The following PRKAG2 variants were observed in gnomAD, a reference collection of about 807,000 sequenced individuals.
PRKAG2 encodes the protein 5'-AMP-activated protein kinase subunit gamma-2.
PRKAG2 carries 26 observed loss-of-function variants against 69.6 expected under a neutral mutation model. The observed-to-expected ratio is 0.37, with a 90% CI of 0.27 to 0.52. The LOEUF is 0.52. Ranked by LOEUF, PRKAG2 falls within the 20% of genes least tolerant of loss-of-function variation. PRKAG2 has a pLI of 0.90. For synonymous variants in PRKAG2, 293 were observed against 285.0 expected, an observed-to-expected ratio of 1.03 and a Z score of -0.28; for missense variants, 557 against 740.0, an observed-to-expected ratio of 0.75 and a Z score of 2.87.
At chr7:151,716,428 G>C (rs1359284128) in intron 3 of PRKAG2, among the ~76,000 whole-genome samples, 1 of 152,188 alleles carries the variant, frequency 6.6e-6, no homozygotes, top group Non-Finnish European at 1.5e-5. Flanking sequence ...GTCCGTATGT[G>C]GACTCCCAAC....
At chr7:151,613,654 C>T (rs1475477490) in intron 5 of PRKAG2, among the ~76,000 whole-genome samples, 3 of 151,678 alleles carry the variant, frequency 2.0e-5, no homozygotes, top group Non-Finnish European at 2.9e-5. Context: ...CCCACCACCA[C>T]GCCTGGCTAA....
At chr7:151,619,423 T>C (rs1218295958) in intron 5 of PRKAG2, among the ~76,000 whole-genome samples, 1 of 152,180 alleles carries the variant, frequency 6.6e-6, no homozygotes, top group African/African-American at 2.4e-5. Flanking sequence ...CACAATGCCA[T>C]AAGTTACCCT....
At chr7:151,824,295 CG>C (rs1196217301) in intron 1 of PRKAG2, among the ~76,000 whole-genome samples, 2 of 152,244 alleles carry the variant, frequency 1.3e-5, no homozygotes, top group Middle Eastern at 3.4e-3. Flanking sequence ...TTGCTCCCCT[CG>C]GCTTTTCCCC....
intron 1 of PRKAG2, among the ~76,000 whole-genome samples, chr7:151,823,675 CATCT>C (rs1399797841): frequency 6.6e-6 from 1 of 152,108 alleles, no homozygotes; most frequent in Non-Finnish European, 1.5e-5. Context: ...TGACACCCTC[CATCT>C]GTTTCTGGAA....
chr7:151,643,856 G>A (rs1827148787), intron 4 of PRKAG2, among the ~76,000 whole-genome samples: 2 of 152,198 alleles, frequency 1.3e-5, no homozygotes, highest in African/African-American at 2.4e-5. Context: ...TGATGAGCTA[G>A]GATGAAATCA....
intron 3 of PRKAG2, among the ~76,000 whole-genome samples, chr7:151,704,545 C>T (rs1168625340): frequency 2.6e-5 from 4 of 152,260 alleles, no homozygotes; most frequent in Non-Finnish European, 4.4e-5. Context: ...ATCTGGGCGG[C>T]GTCTACTCTG....
At chr7:151,770,182 C>A (rs761531332) in intron 3 of PRKAG2, among the ~76,000 whole-genome samples, 10 of 152,210 alleles carry the variant, frequency 6.6e-5, no homozygotes, top group South Asian at 2.1e-4. Context: ...AGGTTCGACA[C>A]AACCGACCAG....
intron 1 of PRKAG2, among the ~76,000 whole-genome samples, chr7:151,863,620 T>C (rs895155197): frequency 3.9e-5 from 6 of 152,082 alleles, no homozygotes; most frequent in Admixed American, 1.3e-4. Flanking sequence ...TAACAAGGAA[T>C]AGAACCAAAT....
chr7:151,784,193 G>A (rs138063241), intron 2 of PRKAG2, among the ~76,000 whole-genome samples: 2,035 of 152,280 alleles, frequency 0.013, 23 homozygotes, highest in Middle Eastern at 0.027. Flanking sequence ...TGAACCGGAA[G>A]AGGAGCCGAG....
chr7:151,801,428 G>C (rs1204508628), intron 1 of PRKAG2, among the ~76,000 whole-genome samples: 1 of 152,182 alleles, frequency 6.6e-6, no homozygotes, highest in Non-Finnish European at 1.5e-5. Context: ...CCCCAGGCTG[G>C]GGCAATGAGG....
chr7:151,742,510 G>A (rs2073964734), intron 3 of PRKAG2, among the ~76,000 whole-genome samples: 3 of 151,958 alleles, frequency 2.0e-5, no homozygotes, highest in African/African-American at 7.3e-5. Flanking sequence ...TGTAGTCCCC[G>A]CTACTCGAGA....
At chr7:151,688,759 A>G (rs898400513) in intron 3 of PRKAG2, among the ~76,000 whole-genome samples, 21 of 152,342 alleles carry the variant, frequency 1.4e-4, no homozygotes, top group Middle Eastern at 3.4e-3. Flanking sequence ...ATCTCAGGAC[A>G]CTTGGATCAT....
intron 3 of PRKAG2, among the ~76,000 whole-genome samples, chr7:151,752,131 A>T (rs1465590724): frequency 1.3e-5 from 2 of 152,224 alleles, no homozygotes; most frequent in Non-Finnish European, 2.9e-5. Context: ...AAACTTGATA[A>T]TGAAGACATG....
chr7:151,735,751 A>G lies in PRKAG2; in HGVS notation c.466+45401T>C. On this transcript the variant is annotated intron_variant, in intron 3 of 15. Coordinates refer to ENST00000287878, the MANE Select transcript of PRKAG2 (RefSeq NM_016203.4). ...TGCCATCAGCAAGGAAACACTTCCC[A>G]CGTATTCCTCTAACCACCGCCTGAT... is the stretch of plus-strand genomic sequence containing the variant. 5 of 1,095,560 alleles carry G rather than the reference A, an allele frequency of 4.6e-6. No individual in the cohort carries two copies. In the South Asian group the frequency reaches 8.0e-5, roughly 18 times the overall value. 67.9% of individuals were successfully genotyped at this position (1,095,560 alleles called of 1,614,324 possible).
At chr7:151,687,744 G>A (rs919818758) in intron 3 of PRKAG2, among the ~76,000 whole-genome samples, 7 of 152,210 alleles carry the variant, frequency 4.6e-5, no homozygotes, top group African/African-American at 1.2e-4. Context: ...CCGCAGCCCA[G>A]GGCCTTGCTC....
At position 151,857,927 on chromosome 7, in the gene PRKAG2, T is replaced by C. The variant is rs567876390; in HGVS notation, c.114+18580A>G. 2.0e-5 allele frequency among the ~76,000 whole-genome samples: 3 copies of C among 152,358 alleles called. No homozygotes were observed. The South Asian group carries it at 6.2e-4, about 32-fold the overall frequency. ...ATAGGAGACAAAGAATTGCGGGTTTTACTCCTTTGGCTGCTCCCTAAGGGG... is the reference window on the plus strand; with the variant it reads ...ATAGGAGACAAAGAATTGCGGGTTTCACTCCTTTGGCTGCTCCCTAAGGGG... On this transcript the variant is annotated intron_variant, in intron 1 of 15. Coordinates refer to ENST00000287878, the MANE Select transcript of PRKAG2 (RefSeq NM_016203.4).
intron 3 of PRKAG2, among the ~76,000 whole-genome samples, chr7:151,679,146 C>A (rs538752744): frequency 6.6e-6 from 1 of 151,958 alleles, no homozygotes; most frequent in Non-Finnish European, 1.5e-5. Context: ...AAAGGGCTGC[C>A]GGCCCATCCG....
chr7:151,730,929 G>C (rs775650964), intron 3 of PRKAG2, among the ~76,000 whole-genome samples: 16 of 152,198 alleles, frequency 1.1e-4, no homozygotes, highest in Non-Finnish European at 2.4e-4. Context: ...CTCAGAGGAT[G>C]TGGTCTCCGG....
chr7:151,721,240 C>T (rs1797042083), intron 3 of PRKAG2, among the ~76,000 whole-genome samples: 1 of 152,070 alleles, frequency 6.6e-6, no homozygotes, highest in East Asian at 1.9e-4. Context: ...ATCCTGCATC[C>T]TGAAGCGGGG....
Sources: gnomAD v4.1 joint callset for allele counts (sites outside exome capture counted in the v4.1 genomes callset) on GRCh38, gnomAD v4.1.1 for gene constraint, MANE v1.5 for transcripts, NCBI Gene and HGNC (gene_info 2026-07-23, HGNC 2026-07-21) for gene names.